Variants in SI observed in about 807,000 individuals in gnomAD.
SI encodes the protein sucrase-isomaltase, intestinal.
A neutral mutation model predicts 253.3 loss-of-function variants in SI; 235 were observed. The ratio of observed to expected loss-of-function variants is 0.93; its 90% CI spans 0.83 to 1.03. The LOEUF is 1.03. SI is among the 50% of genes least tolerant of loss of function. SI has a pLI of 0.00. For missense variants in SI, 2,442 were observed against 2,211.1 expected (o/e 1.10, Z -2.09); for synonymous variants, 819 against 712.0 (o/e 1.15, Z -2.39).
At chr3:165,052,043 T>C (rs868202095) in intron 13 of SI, among the ~76,000 whole-genome samples, 36 of 152,182 alleles carry the variant, frequency 2.4e-4, no homozygotes, top group Middle Eastern at 3.4e-3. Context: ...ATATTTTACA[T>C]AATACATGAC....
Position 165,043,068 on chromosome 3 carries a change from G to A in SI, c.1995C>T (p.Asp665=), listed in dbSNP as rs757380218. The change falls in exon 17 of 48, where the codon GAC becomes GAT. Residue 665 remains aspartate, a synonymous_variant. Coordinates refer to ENST00000264382, the MANE Select transcript of SI (RefSeq NM_001041.4). ...AACAAGAGGCTCTTACTTCATATCCGTCAGAATTATGGTTTCTGGAAAATG... is the reference window on the plus strand; with the variant it reads ...AACAAGAGGCTCTTACTTCATATCCATCAGAATTATGGTTTCTGGAAAATG... ...FYPFSRNHNS[D]GYEHQDPAFF... The A allele has an allele frequency of 2.3e-5, 36 of 1,595,672 alleles. No individual in the cohort carries two copies. Among genetic ancestry groups the A allele is most frequent in the Middle Eastern group, 3.3e-4 (2 of 6,026 alleles).
chr3:165,042,198 T>G (rs1712870421), intron 17 of SI, among the ~76,000 whole-genome samples: 1 of 152,052 alleles, frequency 6.6e-6, no homozygotes, highest in Non-Finnish European at 1.5e-5. Context: ...TCTATCAAAA[T>G]CTCCCATGGA....
chr3:164,996,661 ATTGT>A lies in SI; in HGVS notation c.4576-14_4576-11del. ...AGATGTCTGCTCCAGTCTAAAATAT[ATTGT>A]TATATTTAGTTAAATTTGAATAGTT... On this transcript the variant is annotated splice_polypyrimidine_tract_variant and intron_variant, in intron 39 of 47. Coordinates refer to ENST00000264382, the MANE Select transcript of SI (RefSeq NM_001041.4). 3.4e-6 allele frequency: 5 copies of A among 1,469,338 alleles called. No homozygotes were observed. The highest frequency in any genetic ancestry group is 4.8e-6 in the Non-Finnish European group (5 of 1,049,630). The allele number at this position is 1,469,338 out of a possible 1,614,324, so 91.0% of individuals were successfully genotyped here.
intron 34 of SI, among the ~76,000 whole-genome samples, chr3:165,012,073 C>T (rs1254846519): frequency 1.3e-5 from 2 of 152,060 alleles, no homozygotes; most frequent in Admixed American, 6.6e-5. Context: ...CATTTAATAT[C>T]TTATTCATTC....
At chr3:164,989,664 C>A (rs1717638061) in intron 44 of SI, among the ~76,000 whole-genome samples, 1 of 151,646 alleles carries the variant, frequency 6.6e-6, no homozygotes, top group Non-Finnish European at 1.5e-5. Context: ...AGGGAAACAG[C>A]AAATTAATGG....
At chr3:165,027,042 A>G (rs1338322353) in intron 25 of SI, among the ~76,000 whole-genome samples, 3 of 151,512 alleles carry the variant, frequency 2.0e-5, no homozygotes, top group African/African-American at 7.3e-5. Context: ...TAGTTCTTTG[A>G]AAAGATAAAT....
chr3:165,041,686 C>A (rs914053414), intron 17 of SI, among the ~76,000 whole-genome samples: 14 of 152,092 alleles, frequency 9.2e-5, no homozygotes, highest in African/African-American at 3.4e-4. Flanking sequence ...AGCCTCTCTA[C>A]TGAGCTCAGG....
At chr3:164,999,478 A>G (rs1334914216) in intron 37 of SI, among the ~76,000 whole-genome samples, 1 of 151,676 alleles carries the variant, frequency 6.6e-6, no homozygotes, top group Non-Finnish European at 1.5e-5. Flanking sequence ...TAAAAATTTT[A>G]TTTTTATATT....
chr3:165,021,027 A>T (rs1711580668), intron 27 of SI, among the ~76,000 whole-genome samples: 1 of 151,704 alleles, frequency 6.6e-6, no homozygotes, highest in Admixed American at 6.6e-5. Flanking sequence ...CAAAGTGTAG[A>T]TAAAATTGTG....
chr3:165,055,785 C>T (rs1166963982), intron 12 of SI, among the ~76,000 whole-genome samples: 3 of 151,986 alleles, frequency 2.0e-5, no homozygotes, highest in African/African-American at 7.2e-5. Flanking sequence ...TTCATAATTA[C>T]TAACATATAA....
Position 165,046,938 on chromosome 3 carries a change from TG to T in SI, c.1789del (p.His597MetfsTer6). Reference sequence around the variant, plus strand: ...ATTGTCTCCTAACCAATGCGCAGCATGTCTTCCAGATCCAGCAAATGTTGAG... The same window carrying T: ...ATTGTCTCCTAACCAATGCGCAGCATTCTTCCAGATCCAGCAAATGTTGAG... ...TRSTFAGSGR[H>X]AAHWLGDNTA... On this transcript the variant is annotated frameshift_variant, in exon 16 of 48. Transcript: ENST00000264382. LOFTEE classifies it high-confidence loss of function. 1.9e-6 allele frequency: 3 copies of T among 1,612,850 alleles called. No individual in the cohort carries two copies. The highest frequency in any genetic ancestry group is 1.7e-6 in the Non-Finnish European group (2 of 1,179,334).
chr3:165,016,242 A>G (rs778953715), intron 31 of SI, among the ~76,000 whole-genome samples, 162 bp from the exon 32 acceptor site: 6 of 152,080 alleles, frequency 3.9e-5, no homozygotes, highest in South Asian at 2.1e-4. Flanking sequence ...GAATAAAAGT[A>G]GCATGTAAAG....
chr3:165,022,657 A>G (rs1480180120), intron 26 of SI, among the ~76,000 whole-genome samples: 1 of 151,334 alleles, frequency 6.6e-6, no homozygotes, highest in African/African-American at 2.4e-5. Context: ...TCTCGTTTCA[A>G]TAAACAACCA....
chr3:165,084,573 C>T, the SI span, among the ~76,000 whole-genome samples: 1 of 151,736 alleles, frequency 6.6e-6, no homozygotes, highest in African/African-American at 2.4e-5. Flanking sequence ...AAATGAATGT[C>T]TGAGAATATT....
chr3:164,990,969 C>A (rs1419043985), intron 44 of SI, among the ~76,000 whole-genome samples: 8 of 151,122 alleles, frequency 5.3e-5, no homozygotes, highest in African/African-American at 1.7e-4. Flanking sequence ...TTTTGACTGT[C>A]CAATATAAAA....
rs528993275 is a variant in SI, at chr3:165,023,448, A to G, written c.3099+122T>C. 6.0e-5 allele frequency: 45 copies of G among 751,094 alleles called. No homozygotes were observed. In the African/African-American group the frequency reaches 7.3e-4, roughly 12 times the overall value. The allele number at this position is 751,094 out of a possible 1,614,324, so 46.5% of individuals were successfully genotyped here. ...GTGTAGGAAAAAATATTTTTATAAA[A>G]TCAAAATATTATCAAATCTGTTAAT... is the stretch of plus-strand genomic sequence containing the variant. On this transcript the variant is annotated intron_variant, in intron 26 of 47. Coordinates refer to ENST00000264382, the MANE Select transcript of SI (RefSeq NM_001041.4).
intron 1 of SI, among the ~76,000 whole-genome samples, chr3:165,077,647 G>A (rs994480632): frequency 1.3e-5 from 2 of 151,696 alleles, no homozygotes; most frequent in South Asian, 4.1e-4. Flanking sequence ...GTTGCGTGAT[G>A]TTATGTTGAG....
chr3:165,074,690 A>T (rs372660129), intron 2 of SI, 23 bp from the exon 3 acceptor site: 17 of 1,581,256 alleles, frequency 1.1e-5, no homozygotes, highest in Non-Finnish European at 1.5e-5. Context: ...AAAACTCAAT[A>T]AAATAAAACA....
At chr3:165,078,820 C>T (rs961572755), upstream of SI, among the ~76,000 whole-genome samples, 3 of 151,220 alleles carry the variant, frequency 2.0e-5, no homozygotes, top group Admixed American at 6.6e-5. Context: ...CCATTGTGTG[C>T]AATTTAGATC....
Sources: allele counts gnomAD v4.1 joint callset (sites outside exome capture counted in the v4.1 genomes callset), GRCh38; gene constraint gnomAD v4.1.1; transcripts MANE v1.5; gene names NCBI Gene and HGNC (gene_info 2026-07-23, HGNC 2026-07-21).